The following MANBA variants were observed in gnomAD, a reference collection of about 807,000 sequenced individuals.
The protein encoded by MANBA is beta-mannosidase.
A neutral mutation model predicts 111.1 loss-of-function variants in MANBA; 83 were observed. The ratio of observed to expected loss-of-function variants is 0.75; its 90% confidence interval spans 0.63 to 0.90. MANBA has a LOEUF of 0.90. Among genes scored for constraint, MANBA ranks in the 40% least tolerant of loss-of-function variants. MANBA has a pLI of 0.00. For missense variants in MANBA, 1,036 were observed against 1,069.0 expected, an observed-to-expected ratio of 0.97 and a Z score of 0.43; for synonymous variants, 370 against 378.7, an observed-to-expected ratio of 0.98 and a Z score of 0.27.
At chr4:102,645,709 G>A (rs1382237390) in intron 13 of MANBA, among the ~76,000 whole-genome samples, 5 of 151,974 alleles carry the variant, frequency 3.3e-5, no homozygotes, top group Admixed American at 3.3e-4. Context: ...ATTTTGGTAA[G>A]GTGAGTAGTA....
chr4:102,686,365 T>A (rs1189549577), intron 7 of MANBA, among the ~76,000 whole-genome samples: 1 of 152,230 alleles, frequency 6.6e-6, no homozygotes, highest in Non-Finnish European at 1.5e-5. Context: ...ATGAAAAGGC[T>A]GGCTTCCACC....
rs1013909178 is a variant in MANBA at position 102,631,910 on chromosome 4, A to G, written c.*147T>C. The G allele has an allele frequency of 1.2e-5, 9 of 746,398 alleles. No individual in the cohort carries two copies. The highest frequency in any genetic ancestry group is 6.1e-5 in the Admixed American group (3 of 49,310). 46.2% of individuals were successfully genotyped at this position (746,398 alleles called of 1,614,324 possible). On this transcript the variant is annotated 3_prime_UTR_variant, in exon 17 of 17. Coordinates refer to ENST00000647097, the MANE Select transcript of MANBA (RefSeq NM_005908.4). ...CTCCCCTGAAAGTGTTCAGTGTACA[A>G]CTCTTCACAGAGCAATCGCTCAAAT...
At position 102,682,322 on chromosome 4, in the gene MANBA, G is replaced by A. The variant is rs59122287; in HGVS notation, c.960+7252C>T. Among the ~76,000 whole-genome samples, 1,356 of 152,020 alleles carry A rather than the reference G, an allele frequency of 8.9e-3. 26 individuals are homozygous for A. Among genetic ancestry groups the A allele is most frequent in the African/African-American group, 0.031 (1,287 of 41,454 alleles). On this transcript the variant is annotated intron_variant, in intron 7 of 16. Coordinates refer to ENST00000647097, the MANE Select transcript of MANBA (RefSeq NM_005908.4). ...CAACATATGATTGGTGGAGGGGGAG[G>A]GTAGGAGAAGTATTCTATCACTGGC... is the stretch of plus-strand genomic sequence containing the variant.
At chr4:102,728,059 G>C (rs1722878299) in intron 1 of MANBA, 1 of 518,396 alleles carries the variant, frequency 1.9e-6, no homozygotes, top group African/African-American at 1.9e-5. Context: ...CAGGGGTGGA[G>C]ATAGAAGGCA....
At chr4:102,737,699 G>T (rs548636695) in intron 1 of MANBA, among the ~76,000 whole-genome samples, 1 of 152,202 alleles carries the variant, frequency 6.6e-6, no homozygotes, top group Admixed American at 6.5e-5. Context: ...AGCCAGGATG[G>T]TCTCGATCTC....
At chr4:102,745,759 C>G (rs1723563651) in intron 1 of MANBA, among the ~76,000 whole-genome samples, 2 of 152,324 alleles carry the variant, frequency 1.3e-5, no homozygotes, top group South Asian at 2.1e-4. Flanking sequence ...CCAGCCTGAT[C>G]CAACTCTATA....
chr4:102,694,239 T>A (rs1477023183), intron 5 of MANBA, among the ~76,000 whole-genome samples: 1 of 152,090 alleles, frequency 6.6e-6, no homozygotes, highest in Non-Finnish European at 1.5e-5. Flanking sequence ...AAACACAGTA[T>A]GAAGATCTAC....
chr4:102,632,298 A>C lies in MANBA; in HGVS notation c.2416-17T>G, dbSNP rs1206874885. On this transcript the variant is annotated splice_polypyrimidine_tract_variant and intron_variant, in intron 16 of 16. Coordinates refer to ENST00000647097, the MANE Select transcript of MANBA (RefSeq NM_005908.4). The stretch of plus-strand genomic sequence containing the variant: ...GATGATGGCCTGAAAAAGAAAAAAA[A>C]AAATGAATGAAGTGAAGGATGAGGG... 6.4e-7 allele frequency: 1 copy of C among 1,552,148 alleles called. No individual in the cohort carries two copies. The highest frequency in any genetic ancestry group is 1.4e-5 in the African/African-American group (1 of 73,544).
intron 1 of MANBA, among the ~76,000 whole-genome samples, chr4:102,732,963 G>A (rs1327100281): frequency 6.6e-6 from 1 of 152,156 alleles, no homozygotes; most frequent in African/African-American, 2.4e-5. Flanking sequence ...CTGGTTGACG[G>A]GGCACAAGTC....
chr4:102,672,930 G>A (rs75077385), intron 8 of MANBA, among the ~76,000 whole-genome samples: 9,660 of 152,104 alleles, frequency 0.064, 975 homozygotes, highest in African/African-American at 0.22. Context: ...GCTGTCCTAC[G>A]TAGTTATCCA....
chr4:102,654,379 T>A (rs760788644), intron 12 of MANBA, among the ~76,000 whole-genome samples: 1 of 152,186 alleles, frequency 6.6e-6, no homozygotes, highest in Non-Finnish European at 1.5e-5. Flanking sequence ...GATAAGTATA[T>A]ACAATTTTTC....
At chr4:102,648,818 ACCACT>A (rs905422594) in intron 13 of MANBA, among the ~76,000 whole-genome samples, 5 of 152,152 alleles carry the variant, frequency 3.3e-5, no homozygotes, top group Non-Finnish European at 7.4e-5. Flanking sequence ...CCATGTGACT[ACCACT>A]CAGATCAAGA....
intron 7 of MANBA, among the ~76,000 whole-genome samples, chr4:102,677,842 T>A (rs1731792610): frequency 6.6e-6 from 1 of 152,184 alleles, no homozygotes; most frequent in Admixed American, 6.5e-5. Flanking sequence ...GTCAATATAT[T>A]TTTTATAAAA....
Position 102,635,026 on chromosome 4 carries a change from C to T in MANBA, c.2177G>A (p.Ser726Asn). Residue 726 changes from serine (S) to asparagine (N), a missense_variant, in exon 16 of 17, where the codon AGC becomes AAC. Ser to Asn is a conservative substitution (Grantham distance 46, BLOSUM62 1). Coordinates refer to ENST00000647097, the MANE Select transcript of MANBA (RefSeq NM_005908.4). Reference sequence around the variant, plus strand: ...ACGAGAGCACACGGGCTCCAGGGAGCTCCATGTATGGACTCTCACCTGGGG... The same window carrying T: ...ACGAGAGCACACGGGCTCCAGGGAGTTCCATGTATGGACTCTCACCTGGGG... ...MTLSVRVHTW[S>N]SLEPVCSRVT... The T allele has an allele frequency of 6.2e-7, 1 of 1,614,156 alleles. No homozygotes were observed. The highest frequency in any genetic ancestry group is 8.5e-7 in the Non-Finnish European group (1 of 1,179,994).
intron 4 of MANBA, among the ~76,000 whole-genome samples, chr4:102,721,331 T>C (rs972030188): frequency 5.3e-5 from 8 of 151,324 alleles, no homozygotes; most frequent in Non-Finnish European, 1.5e-5. Context: ...CTCAAATACA[T>C]AAATAAATAA....
chr4:102,742,001 A>C (rs1263979786), intron 1 of MANBA, among the ~76,000 whole-genome samples: 1 of 152,144 alleles, frequency 6.6e-6, no homozygotes, highest in Non-Finnish European at 1.5e-5. Context: ...GTAATTTCCC[A>C]TTGACCTTAA....
At chr4:102,709,722 T>C (rs981338459) in intron 5 of MANBA, among the ~76,000 whole-genome samples, 2 of 152,100 alleles carry the variant, frequency 1.3e-5, no homozygotes, top group African/African-American at 4.8e-5. Flanking sequence ...AAGAAAACTA[T>C]AGCTCATTAT....
chr4:102,718,377 A>G (rs571063914), intron 4 of MANBA, among the ~76,000 whole-genome samples: 1 of 152,358 alleles, frequency 6.6e-6, no homozygotes, highest in Admixed American at 6.5e-5. Context: ...ACAATGGCAA[A>G]TAGATTTGTT....
intron 12 of MANBA, among the ~76,000 whole-genome samples, chr4:102,654,265 A>G (rs1021911950): frequency 1.3e-5 from 2 of 152,182 alleles, no homozygotes; most frequent in Non-Finnish European, 2.9e-5. Context: ...TCACTCTGAA[A>G]CAACAGTATT....
Sources: gnomAD v4.1 joint callset for allele counts (sites outside exome capture counted in the v4.1 genomes callset) on GRCh38, gnomAD v4.1.1 for gene constraint, MANE v1.5 for transcripts, NCBI Gene and HGNC (gene_info 2026-07-23, HGNC 2026-07-21) for gene names.